Variants in NRXN1 observed in about 807,000 individuals in gnomAD.
The protein encoded by NRXN1 is neurexin-1.
In NRXN1, 39 loss-of-function variants were observed where a neutral mutation model predicts 150.9. The ratio of observed to expected loss-of-function variants is 0.26; its 90% CI spans 0.20 to 0.34. The LOEUF is 0.34. Among genes scored for constraint, NRXN1 ranks in the 10% least tolerant of loss-of-function variants. The pLI, the probability that NRXN1 is intolerant of heterozygous loss-of-function variation, is 1.00. For missense variants in NRXN1, 1,815 were observed against 1,949.9 expected, an observed-to-expected ratio of 0.93 and a Z score of 1.30; for synonymous variants, 924 against 757.0, an observed-to-expected ratio of 1.22 and a Z score of -3.62.
At position 51,001,737 on chromosome 2, in the gene NRXN1, GT is replaced by G. The variant is rs570608792; in HGVS notation, c.772+25764del. 9.8e-4 allele frequency among the ~76,000 whole-genome samples: 149 copies of G among 152,010 alleles called. 1 individual carries two copies. In the East Asian group the frequency reaches 0.014, roughly 15 times the overall value. Reference sequence around the variant, plus strand: ...TCTTGATAGGAAAAATAAAATTTTAGTTTGATGATGGGGTTCAGGATATAAT... The same window carrying G: ...TCTTGATAGGAAAAATAAAATTTTAGTTGATGATGGGGTTCAGGATATAAT... On this transcript the variant is annotated intron_variant, in intron 2 of 22. Transcript: ENST00000401669.
At chr2:50,552,319 A>C (rs987015170) in intron 9 of NRXN1, among the ~76,000 whole-genome samples, 3 of 152,182 alleles carry the variant, frequency 2.0e-5, no homozygotes, top group African/African-American at 4.8e-5. Context: ...AATTTTCTGC[A>C]AGATTTGGCA....
intron 15 of NRXN1, among the ~76,000 whole-genome samples, chr2:50,481,399 C>A (rs1429136283): frequency 6.6e-6 from 1 of 152,222 alleles, no homozygotes; most frequent in African/African-American, 2.4e-5. Flanking sequence ...AGTCAATTTT[C>A]TTCCATAATT....
chr2:50,560,054 T>G (rs942280828), intron 8 of NRXN1, among the ~76,000 whole-genome samples: 3 of 152,156 alleles, frequency 2.0e-5, no homozygotes, highest in African/African-American at 7.2e-5. Flanking sequence ...GAGGAGACAA[T>G]CTGAAAAGCA....
intron 18 of NRXN1, among the ~76,000 whole-genome samples, chr2:50,185,853 G>A (rs1203872999): frequency 6.6e-6 from 1 of 151,994 alleles, no homozygotes; most frequent in Admixed American, 6.6e-5. Context: ...GAGCAAAATG[G>A]TCACTCTTTT....
At chr2:50,749,774 T>C (rs931317857) in intron 5 of NRXN1, among the ~76,000 whole-genome samples, 4 of 152,038 alleles carry the variant, frequency 2.6e-5, no homozygotes, top group African/African-American at 9.7e-5. Context: ...TTGAATCCAA[T>C]ATTCCATTTT....
chr2:50,537,395 TG>T (rs2093286696), intron 10 of NRXN1, among the ~76,000 whole-genome samples: 1 of 152,202 alleles, frequency 6.6e-6, no homozygotes, highest in Admixed American at 6.5e-5. Flanking sequence ...TCTGAAACAC[TG>T]GGTCGATGGA....
At position 49,921,887 on chromosome 2, in the gene NRXN1, A is replaced by ATGTC. The variant is rs1166747822; in HGVS notation, c.*53_*56dup. 1 of 1,537,058 alleles carries ATGTC rather than the reference A, an allele frequency of 6.5e-7. No individual in the cohort carries two copies. Among genetic ancestry groups the ATGTC allele is most frequent in the Non-Finnish European group, 9.0e-7 (1 of 1,113,846 alleles). ...AAAGGAAAGTAAATAAGTTTATATT[A>ATGTC]TGTCTCAGATAAAATGAAGACTATT... On this transcript the variant is annotated 3_prime_UTR_variant, in exon 23 of 23. Transcript: ENST00000401669.
At chr2:50,057,923 C>T (rs1693898447) in intron 19 of NRXN1, among the ~76,000 whole-genome samples, 1 of 151,962 alleles carries the variant, frequency 6.6e-6, no homozygotes, top group South Asian at 2.1e-4. Flanking sequence ...ATAATAAATT[C>T]CCCATGTCAC....
intron 17 of NRXN1, among the ~76,000 whole-genome samples, chr2:50,404,774 G>A (rs967216468): frequency 2.6e-5 from 4 of 152,094 alleles, no homozygotes. Context: ...AAAAGGCCTG[G>A]AGGGGGATCT....
Position 50,263,695 on chromosome 2 carries a change from C to A in NRXN1, c.3365-26725G>T, listed in dbSNP as rs142335443. ...AAGAGAAGAATAAAAACAATAAGAA[C>A]AATAACATTGGTTCAAGAAATCAGA... On this transcript the variant is annotated intron_variant, in intron 17 of 22. Transcript: ENST00000401669. Among the ~76,000 whole-genome samples the A allele has an allele frequency of 2.2e-3, 336 of 152,178 alleles. 1 individual carries two copies. The highest frequency in any genetic ancestry group is 0.014 in the Middle Eastern group (4 of 294).
rs79661127 is a variant in NRXN1 at position 50,634,326 on chromosome 2, A to G, written c.833-10711T>C. 1.8e-3 allele frequency among the ~76,000 whole-genome samples: 268 copies of G among 152,308 alleles called. 8 individuals carry two copies. The East Asian group carries it at 0.048, about 27-fold the overall frequency. On this transcript the variant is annotated intron_variant, in intron 5 of 22. Transcript: ENST00000401669. The stretch of plus-strand genomic sequence containing the variant: ...ACATAGGAGTACGGGCTATGAAATT[A>G]TACATATCTGGGTTCAAATCCCACT...
intron 17 of NRXN1, among the ~76,000 whole-genome samples, chr2:50,306,351 G>A (rs1196357906): frequency 1.3e-5 from 2 of 152,148 alleles, no homozygotes; most frequent in Non-Finnish European, 2.9e-5. Flanking sequence ...CAGTACCTGA[G>A]ACCCCTAAGA....
intron 2 of NRXN1, among the ~76,000 whole-genome samples, chr2:50,949,998 G>A (rs1357455422): frequency 1.3e-5 from 2 of 152,084 alleles, no homozygotes; most frequent in South Asian, 2.1e-4. Flanking sequence ...TGTGAAGGCA[G>A]GAGGAGATTA....
At chr2:50,676,816 G>T (rs1407141303) in intron 5 of NRXN1, among the ~76,000 whole-genome samples, 1 of 152,106 alleles carries the variant, frequency 6.6e-6, no homozygotes, top group South Asian at 2.1e-4. Context: ...GAGAAAATAA[G>T]CTATTTTAAG....
At chr2:50,036,943 A>G (rs1166762974) in intron 21 of NRXN1, among the ~76,000 whole-genome samples, 1 of 152,178 alleles carries the variant, frequency 6.6e-6, no homozygotes, top group Non-Finnish European at 1.5e-5. Flanking sequence ...CAGAAAAACC[A>G]CCTACTGAAG....
chr2:50,971,069 T>C (rs1296329455), intron 2 of NRXN1, among the ~76,000 whole-genome samples: 1 of 152,186 alleles, frequency 6.6e-6, no homozygotes, highest in Non-Finnish European at 1.5e-5. Flanking sequence ...AGGGTCTATC[T>C]ACAAACTTCA....
At chr2:50,962,175 G>A (rs779340872) in intron 2 of NRXN1, among the ~76,000 whole-genome samples, 4 of 151,640 alleles carry the variant, frequency 2.6e-5, no homozygotes, top group East Asian at 1.9e-4. Flanking sequence ...AATAACAAAC[G>A]GCATGCCAAT....
chr2:50,832,641 CAG>C (rs1158588881), intron 5 of NRXN1, among the ~76,000 whole-genome samples: 1 of 152,072 alleles, frequency 6.6e-6, no homozygotes, highest in Non-Finnish European at 1.5e-5. Flanking sequence ...GCTTGGGCGA[CAG>C]AGTGAGATCC....
intron 9 of NRXN1, among the ~76,000 whole-genome samples, chr2:50,551,842 GTCA>G (rs1667587158): frequency 6.6e-6 from 1 of 151,270 alleles, no homozygotes; most frequent in African/African-American, 2.4e-5. Flanking sequence ...TCCTACAAAT[GTCA>G]TCTCTGCTTC....
Sources: gnomAD v4.1 joint callset for allele counts (sites outside exome capture counted in the v4.1 genomes callset) on GRCh38, gnomAD v4.1.1 for gene constraint, MANE v1.5 for transcripts, NCBI Gene and HGNC (gene_info 2026-07-23, HGNC 2026-07-21) for gene names.